Variants in LRRC7 observed in about 807,000 individuals in gnomAD.
LRRC7 encodes the protein leucine-rich repeat-containing protein 7.
LRRC7 carries 23 observed loss-of-function variants against 175.7 expected under a neutral mutation model. The observed-to-expected ratio is 0.13, with a 90% CI of 0.09 to 0.19. The LOEUF (loss-of-function observed/expected upper bound fraction) is 0.19, where lower values mean the gene tolerates loss of function less well. Ranked by LOEUF, LRRC7 falls within the 10% of genes least tolerant of loss-of-function variation. The probability of loss-of-function intolerance (pLI) is 1.00; values close to 1 mark genes in which losing one functional copy is unlikely to be tolerated. For missense variants in LRRC7, 1,354 were observed against 1,904.7 expected, an observed-to-expected ratio of 0.71 and a Z score of 5.38; for synonymous variants, 685 against 680.9, an observed-to-expected ratio of 1.01 and a Z score of -0.09.
At chr1:69,961,472 G>T (rs1651082435) in intron 8 of LRRC7, among the ~76,000 whole-genome samples, 1 of 152,084 alleles carries the variant, frequency 6.6e-6, no homozygotes, top group Non-Finnish European at 1.5e-5. Context: ...CGCAGAACTA[G>T]AAAAAACTAT....
rs545918580 is a variant in LRRC7 at position 69,954,088 on chromosome 1, C to T, written c.711+22518C>T. On this transcript the variant is annotated intron_variant, in intron 8 of 26. Transcript: ENST00000651989. ...TCTCAAACACTGTGGAATTGGTCTA[C>T]GTTAATGGGGTGACTTATGACTGGG... 5.3e-5 allele frequency among the ~76,000 whole-genome samples: 8 copies of T among 152,022 alleles called. No individual in the cohort carries two copies. In the South Asian group the frequency reaches 1.5e-3, roughly 28 times the overall value.
intron 2 of LRRC7, among the ~76,000 whole-genome samples, chr1:69,732,985 G>C (rs1391069811): frequency 6.6e-6 from 1 of 151,998 alleles, no homozygotes; most frequent in Non-Finnish European, 1.5e-5. Flanking sequence ...ATTTCTAGAA[G>C]AGATTCAGTG....
intron 1 of LRRC7, among the ~76,000 whole-genome samples, chr1:69,584,722 TAAAGAC>T (rs1348888884): frequency 6.6e-6 from 1 of 152,176 alleles, no homozygotes; most frequent in African/African-American, 2.4e-5. Context: ...TCTTTTGAGA[TAAAGAC>T]AAAAATTAAT....
In LRRC7 at chr1:69,990,420, T is replaced by C. The variant is rs1570931076; in HGVS notation, c.931+4034T>C. ...ATAGAAATGCAATAAAGATGTTATT[T>C]ATGAACTTAATTTGGTAAATTAAAT... On this transcript the variant is annotated intron_variant, in intron 10 of 26. Coordinates refer to ENST00000651989, the MANE Select transcript of LRRC7 (RefSeq NM_001370785.2). 2.0e-5 allele frequency among the ~76,000 whole-genome samples: 3 copies of C among 152,192 alleles called. No homozygotes were observed. In the East Asian group the frequency reaches 5.8e-4, roughly 29 times the overall value.
chr1:69,795,004 G>A (rs1028423144), intron 4 of LRRC7, among the ~76,000 whole-genome samples: 1 of 152,190 alleles, frequency 6.6e-6, no homozygotes, highest in African/African-American at 2.4e-5. Context: ...TAGGCTTGAT[G>A]AGTATAATGA....
Position 69,836,507 on chromosome 1 carries a change from T to C in LRRC7, c.590+1638T>C, listed in dbSNP as rs1038038994. On this transcript the variant is annotated intron_variant, in intron 6 of 26. Coordinates refer to ENST00000651989, the MANE Select transcript of LRRC7 (RefSeq NM_001370785.2). ...AGTAGTCCTAATGTGAGAAAAAGAT[T>C]TGGGCAAGTGAAAAACATAATACCA... 2.0e-5 allele frequency among the ~76,000 whole-genome samples: 3 copies of C among 151,934 alleles called. No homozygotes were observed. In the South Asian group the frequency reaches 6.2e-4, roughly 31 times the overall value.
At chr1:69,611,824 T>C (rs1648790543) in intron 1 of LRRC7, among the ~76,000 whole-genome samples, 1 of 152,054 alleles carries the variant, frequency 6.6e-6, no homozygotes, top group African/African-American at 2.4e-5. Context: ...GGACATTTGT[T>C]TATAACATGA....
intron 1 of LRRC7, among the ~76,000 whole-genome samples, chr1:69,596,561 A>C (rs532760262): frequency 6.6e-6 from 1 of 152,328 alleles, no homozygotes; most frequent in African/African-American, 2.4e-5. Flanking sequence ...CCTGTTTTAT[A>C]ACTAAATTGT....
rs553125006 is a variant in LRRC7 at position 69,770,681 on chromosome 1, T to G, written c.303+10288T>G. Among the ~76,000 whole-genome samples the G allele has an allele frequency of 4.2e-3, 633 of 152,336 alleles. 3 individuals are homozygous for G. The highest frequency in any genetic ancestry group is 6.6e-3 in the Non-Finnish European group (449 of 68,030). ...AATGTAGAACAAAAAAATTGCCACT[T>G]GTTTAATAAAGTTGCCCCATTTTAA... On this transcript the variant is annotated intron_variant, in intron 3 of 26. Coordinates refer to ENST00000651989, the MANE Select transcript of LRRC7 (RefSeq NM_001370785.2).
At position 70,025,841 on chromosome 1, in the gene LRRC7, G is replaced by A. The variant is rs76124331; in HGVS notation, c.1795-2330G>A. Among the ~76,000 whole-genome samples the A allele has an allele frequency of 2.3e-3, 322 of 139,630 alleles. 11 individuals carry two copies. In the East Asian group the frequency reaches 0.071, roughly 31 times the overall value. 91.6% of individuals were successfully genotyped at this position (139,630 alleles called of 152,430 possible). ...AACTTCCTCAATTTAAGGGGGGGGGGGTCCTCTTTCAGAAAAAGAATATAA... is the reference window on the plus strand; with the variant it reads ...AACTTCCTCAATTTAAGGGGGGGGGAGTCCTCTTTCAGAAAAAGAATATAA... On this transcript the variant is annotated intron_variant, in intron 17 of 26. Coordinates refer to ENST00000651989, the MANE Select transcript of LRRC7 (RefSeq NM_001370785.2).
At chr1:69,973,545 A>T (rs531841208) in intron 8 of LRRC7, among the ~76,000 whole-genome samples, 174 of 152,220 alleles carry the variant, frequency 1.1e-3, no homozygotes, top group African/African-American at 4.0e-3. Context: ...CAAAATATAT[A>T]TTTTCTTTGT....
At chr1:70,080,488 C>T (rs1033696731) in intron 24 of LRRC7, among the ~76,000 whole-genome samples, 3 of 152,084 alleles carry the variant, frequency 2.0e-5, no homozygotes, top group Non-Finnish European at 2.9e-5. Flanking sequence ...ATAAAAAGGA[C>T]AAAATATTCA....
At chr1:69,817,278 A>G (rs1678712065) in intron 4 of LRRC7, among the ~76,000 whole-genome samples, 2 of 151,898 alleles carry the variant, frequency 1.3e-5, no homozygotes, top group South Asian at 2.1e-4. Context: ...GGTCTTATAT[A>G]TAAGTCTTTA....
chr1:69,627,751 G>T (rs1471191361), intron 1 of LRRC7, among the ~76,000 whole-genome samples: 1 of 151,922 alleles, frequency 6.6e-6, no homozygotes, highest in Admixed American at 6.6e-5. Context: ...TTCCCACTCG[G>T]AGAATATCAT....
At chr1:69,837,294 T>G (rs1681229097) in intron 6 of LRRC7, among the ~76,000 whole-genome samples, 1 of 151,978 alleles carries the variant, frequency 6.6e-6, no homozygotes. Flanking sequence ...AAATATGGTA[T>G]ATTGCAGCAC....
chr1:69,617,935 A>G (rs1052183724), intron 1 of LRRC7, among the ~76,000 whole-genome samples: 4 of 152,104 alleles, frequency 2.6e-5, no homozygotes, highest in Admixed American at 6.6e-5. Context: ...GACAATAAAC[A>G]GCGTTGGGGC....
chr1:69,661,972 TAAG>T (rs2100535013), intron 1 of LRRC7, among the ~76,000 whole-genome samples: 1 of 152,212 alleles, frequency 6.6e-6, no homozygotes, highest in South Asian at 2.1e-4. Context: ...CCCTGAGACA[TAAG>T]AAGCCTCCAG....
intron 7 of LRRC7, among the ~76,000 whole-genome samples, chr1:69,894,579 G>C (rs1407075366): frequency 6.6e-6 from 1 of 152,088 alleles, no homozygotes; most frequent in Admixed American, 6.5e-5. Flanking sequence ...ATTCAAGAAA[G>C]AAAAGCAACC....
At chr1:70,083,240 G>C (rs1663359598) in intron 24 of LRRC7, among the ~76,000 whole-genome samples, 1 of 152,088 alleles carries the variant, frequency 6.6e-6, no homozygotes. Context: ...TATAATCACT[G>C]TTTCCTTTTT....
Sources: allele counts gnomAD v4.1 joint callset (sites outside exome capture counted in the v4.1 genomes callset), GRCh38; gene constraint gnomAD v4.1.1; transcripts MANE v1.5; gene names NCBI Gene and HGNC (gene_info 2026-07-23, HGNC 2026-07-21).